Variants in AGMO observed in about 807,000 individuals in gnomAD.
AGMO encodes the protein glyceryl-ether monooxygenase.
AGMO carries 75 observed loss-of-function variants against 60.2 expected under a neutral mutation model. The ratio of observed to expected loss-of-function variants is 1.25; its 90% CI spans 1.03 to 1.51. The LOEUF is 1.51. Ranked by LOEUF, AGMO falls within the 40% of genes most tolerant of loss-of-function variation. The pLI, the probability that AGMO is intolerant of heterozygous loss-of-function variation, is 0.00. For missense variants in AGMO, 763 were observed against 525.5 expected (o/e 1.45, Z -4.42); for synonymous variants, 261 against 177.1 (o/e 1.47, Z -3.76).
intron 12 of AGMO, among the ~76,000 whole-genome samples, chr7:15,320,116 G>A (rs1337461310): frequency 1.1e-5 from 1 of 95,080 alleles, no homozygotes; most frequent in African/African-American, 6.1e-5. Flanking sequence ...CCTGTTGTGG[G>A]GTGGGGGAGG....
intron 12 of AGMO, among the ~76,000 whole-genome samples, chr7:15,271,254 T>C: frequency 6.6e-6 from 1 of 152,298 alleles, no homozygotes; most frequent in Non-Finnish European, 1.5e-5. Flanking sequence ...TAGATGGCTA[T>C]GGGCAGTATG....
At chr7:15,145,050 G>A in the AGMO span, among the ~76,000 whole-genome samples, 3 of 152,104 alleles carry the variant, frequency 2.0e-5, no homozygotes, top group African/African-American at 7.2e-5. Flanking sequence ...GGATGGGCTC[G>A]ATTTCCTGAC....
At position 15,201,075 on chromosome 7, in the gene AGMO, G is replaced by T. The variant is rs1230441821; in HGVS notation, c.*210C>A. The T allele has an allele frequency of 1.3e-5, 5 of 380,266 alleles. No homozygotes were observed. The highest frequency in any genetic ancestry group is 1.9e-5 in the Non-Finnish European group (4 of 214,296). 23.6% of individuals were successfully genotyped at this position (380,266 alleles called of 1,614,324 possible). A position where few individuals can be genotyped will look rare whatever the true frequency, so the allele number is the denominator to read the frequency against. On this transcript the variant is annotated 3_prime_UTR_variant, in exon 13 of 13. Coordinates refer to ENST00000342526, the MANE Select transcript of AGMO (RefSeq NM_001004320.2). ...TTATATTTGAAATCTTTTTTTAATT[G>T]TAGTAAAGGGGGGAAGTAACCAAAA...
chr7:15,313,853 A>G (rs1303121109), intron 12 of AGMO, among the ~76,000 whole-genome samples: 2 of 152,094 alleles, frequency 1.3e-5, no homozygotes, highest in African/African-American at 4.8e-5. Context: ...TTCTGTAATA[A>G]AAGTTATGCA....
intron 12 of AGMO, among the ~76,000 whole-genome samples, chr7:15,330,003 TAAC>T (rs1178646368): frequency 2.0e-5 from 3 of 152,036 alleles, no homozygotes; most frequent in Non-Finnish European, 4.4e-5. Flanking sequence ...AAGGAAAAAA[TAAC>T]TAATTTATAG....
chr7:15,317,200 G>C (rs1457846268), intron 12 of AGMO, among the ~76,000 whole-genome samples: 2 of 152,102 alleles, frequency 1.3e-5, no homozygotes, highest in African/African-American at 4.8e-5. Flanking sequence ...GTACATTGGG[G>C]ATCAGTATTA....
chr7:15,429,818 T>C (rs1470586312), intron 4 of AGMO, among the ~76,000 whole-genome samples: 2 of 152,062 alleles, frequency 1.3e-5, no homozygotes, highest in Non-Finnish European at 2.9e-5. Context: ...CTTTATCATT[T>C]ACTAGCTGTG....
At chr7:15,465,989 T>A (rs1782274374) in intron 3 of AGMO, among the ~76,000 whole-genome samples, 1 of 152,184 alleles carries the variant, frequency 6.6e-6, no homozygotes, top group Non-Finnish European at 1.5e-5. Flanking sequence ...TCATTTGTAC[T>A]GAAACACCTA....
intron 12 of AGMO, among the ~76,000 whole-genome samples, chr7:15,361,629 G>C (rs1782770840): frequency 6.9e-6 from 1 of 145,624 alleles, no homozygotes; most frequent in Non-Finnish European, 1.5e-5. Context: ...AAAAAAGAAA[G>C]AGAGAGAGAA....
chr7:15,475,689 T>TA (rs1211219122), intron 3 of AGMO, among the ~76,000 whole-genome samples: 7 of 150,962 alleles, frequency 4.6e-5, no homozygotes, highest in East Asian at 1.9e-4. Context: ...AGTATAATTT[T>TA]AAAAAAAAAG....
intron 3 of AGMO, among the ~76,000 whole-genome samples, chr7:15,451,191 T>A (rs920852881): frequency 6.6e-6 from 1 of 152,180 alleles, no homozygotes; most frequent in African/African-American, 2.4e-5. Flanking sequence ...GAGAGGTATA[T>A]AGATACATAT....
At chr7:15,233,844 C>T (rs185107452) in intron 12 of AGMO, among the ~76,000 whole-genome samples, 5 of 152,094 alleles carry the variant, frequency 3.3e-5, no homozygotes, top group African/African-American at 4.8e-5. Flanking sequence ...GAGGTCAGTT[C>T]GAGACCAGCC....
chr7:15,141,990 C>T, the AGMO span, among the ~76,000 whole-genome samples: 1 of 152,142 alleles, frequency 6.6e-6, no homozygotes, highest in African/African-American at 2.4e-5. Flanking sequence ...GTGTCTTTGC[C>T]TGTAGGCTTA....
rs1409148624 is a variant in AGMO at position 15,286,403 on chromosome 7, G to T, written c.1263+79111C>A. On this transcript the variant is annotated intron_variant, in intron 12 of 12. Coordinates refer to ENST00000342526, the MANE Select transcript of AGMO (RefSeq NM_001004320.2). ...AAAAAACAAATAATCCCATCAAAAA[G>T]TGGCCAAATGACATAAATAGACATT... 2.6e-5 allele frequency among the ~76,000 whole-genome samples: 4 copies of T among 151,882 alleles called. No homozygotes were observed. The East Asian group carries it at 5.8e-4, about 22-fold the overall frequency.
At position 15,357,282 on chromosome 7, in the gene AGMO, A is replaced by G. The variant is rs776078877; in HGVS notation, c.1263+8232T>C. Among the ~76,000 whole-genome samples the G allele has an allele frequency of 5.9e-5, 9 of 151,626 alleles. 1 individual carries two copies. Among genetic ancestry groups the G allele is most frequent in the Non-Finnish European group, 1.2e-4 (8 of 67,972 alleles). On this transcript the variant is annotated intron_variant, in intron 12 of 12. Coordinates refer to ENST00000342526, the MANE Select transcript of AGMO (RefSeq NM_001004320.2). Reference sequence around the variant, plus strand: ...AGCAGACTAGCATACTTACCATGAAACATTGTTGAGGACAGTCTATTCCTT... The same window carrying G: ...AGCAGACTAGCATACTTACCATGAAGCATTGTTGAGGACAGTCTATTCCTT...
chr7:15,343,472 A>G (rs1165424359), intron 12 of AGMO, among the ~76,000 whole-genome samples: 9 of 152,182 alleles, frequency 5.9e-5, no homozygotes, highest in African/African-American at 1.9e-4. Flanking sequence ...GGGGCTGGAG[A>G]AACAGTTAAA....
chr7:15,423,804 G>A (rs190007795), intron 4 of AGMO, among the ~76,000 whole-genome samples: 2 of 152,180 alleles, frequency 1.3e-5, no homozygotes, highest in Admixed American at 6.5e-5. Context: ...ATTTAGGTGG[G>A]GGGCATGGAA....
chr7:15,153,927 C>A, the AGMO span, among the ~76,000 whole-genome samples: 1 of 151,948 alleles, frequency 6.6e-6, no homozygotes, highest in Non-Finnish European at 1.5e-5. Context: ...TTGTAGATTA[C>A]TTTTGGCAAT....
intron 10 of AGMO, among the ~76,000 whole-genome samples, chr7:15,375,842 G>A (rs1220795151): frequency 2.0e-5 from 3 of 152,088 alleles, no homozygotes; most frequent in South Asian, 2.1e-4. Context: ...ATTATGAGGA[G>A]GTTATCATTG....
Sources: allele counts gnomAD v4.1 joint callset (sites outside exome capture counted in the v4.1 genomes callset), GRCh38; gene constraint gnomAD v4.1.1; transcripts MANE v1.5; gene names NCBI Gene and HGNC (gene_info 2026-07-23, HGNC 2026-07-21).